The following FNDC3B variants were observed in gnomAD, a reference collection of about 807,000 sequenced individuals.
FNDC3B encodes the protein fibronectin type III domain containing 3B.
FNDC3B carries 12 observed loss-of-function variants against 151.5 expected under a neutral mutation model. The ratio of observed to expected loss-of-function variants is 0.08; its 90% confidence interval spans 0.05 to 0.13. The LOEUF (loss-of-function observed/expected upper bound fraction) is 0.13. FNDC3B is among the 10% of genes least tolerant of loss of function. The probability of loss-of-function intolerance (pLI) is 1.00; values close to 1 mark genes in which losing one functional copy is unlikely to be tolerated. For missense variants in FNDC3B, 1,214 were observed against 1,505.3 expected, an observed-to-expected ratio of 0.81 and a Z score of 3.20; for synonymous variants, 528 against 549.0, an observed-to-expected ratio of 0.96 and a Z score of 0.54.
chr3:172,255,947 G>C (rs1300585402), intron 6 of FNDC3B, among the ~76,000 whole-genome samples: 1 of 152,196 alleles, frequency 6.6e-6, no homozygotes, highest in African/African-American at 2.4e-5. Flanking sequence ...TTAAGAGACT[G>C]CCCAGAAGGG....
At chr3:172,147,481 C>T (rs1441745777) in intron 3 of FNDC3B, among the ~76,000 whole-genome samples, 2 of 152,040 alleles carry the variant, frequency 1.3e-5, no homozygotes, top group African/African-American at 2.4e-5. Context: ...TGGTGTAGGT[C>T]CCTAGGAATC....
At chr3:172,314,225 C>G (rs556376561) in intron 11 of FNDC3B, among the ~76,000 whole-genome samples, 1 of 152,052 alleles carries the variant, frequency 6.6e-6, no homozygotes, top group Non-Finnish European at 1.5e-5. Context: ...AGCCACAGCT[C>G]TCCCCTCCTC....
At chr3:172,309,048 T>G (rs1321880660) in intron 10 of FNDC3B, among the ~76,000 whole-genome samples, 1 of 152,212 alleles carries the variant, frequency 6.6e-6, no homozygotes, top group East Asian at 1.9e-4. Context: ...GAAAGAATTT[T>G]CTTATTAGGA....
intron 25 of FNDC3B, among the ~76,000 whole-genome samples, chr3:172,392,183 T>A (rs540244089): frequency 1.3e-5 from 2 of 152,186 alleles, no homozygotes; most frequent in Non-Finnish European, 2.9e-5. Context: ...GAGAAAGGAA[T>A]GGTCTCTCAG....
At chr3:172,300,082 C>T (rs1730829705) in intron 9 of FNDC3B, among the ~76,000 whole-genome samples, 5 of 152,202 alleles carry the variant, frequency 3.3e-5, no homozygotes, top group Admixed American at 3.3e-4. Context: ...CTGTTTAAAT[C>T]AAAACTTTGG....
At chr3:172,269,959 T>G (rs917923190) in intron 6 of FNDC3B, among the ~76,000 whole-genome samples, 3 of 152,220 alleles carry the variant, frequency 2.0e-5, no homozygotes, top group African/African-American at 7.2e-5. Flanking sequence ...AATCTGTGCT[T>G]TTTTATAGGA....
At chr3:172,201,345 CCTCTTTTCTTT>C (rs1193085273) in intron 3 of FNDC3B, among the ~76,000 whole-genome samples, 1 of 151,960 alleles carries the variant, frequency 6.6e-6, no homozygotes, top group Non-Finnish European at 1.5e-5. Flanking sequence ...GGTTTTTTTT[CCTCTTTTCTTT>C]CTCCCATAAC....
intron 1 of FNDC3B, among the ~76,000 whole-genome samples, chr3:172,094,468 T>TA (rs1465805892): frequency 2.6e-5 from 4 of 152,212 alleles, no homozygotes; most frequent in Admixed American, 2.6e-4. Context: ...ATCTATGCTG[T>TA]AGCATGTATC....
intron 3 of FNDC3B, among the ~76,000 whole-genome samples, chr3:172,190,329 T>C (rs1204942708): frequency 6.6e-6 from 1 of 152,154 alleles, no homozygotes; most frequent in Non-Finnish European, 1.5e-5. Context: ...AATTATATAG[T>C]TTGAAATATA....
chr3:172,251,963 T>C (rs1159118458), intron 6 of FNDC3B, among the ~76,000 whole-genome samples: 1 of 152,238 alleles, frequency 6.6e-6, no homozygotes, highest in African/African-American at 2.4e-5. Context: ...TAATGAAATC[T>C]ATCATTGAAT....
At chr3:172,049,747 A>G (rs62283776) in intron 1 of FNDC3B, among the ~76,000 whole-genome samples, 14,903 of 152,152 alleles carry the variant, frequency 0.098, 921 homozygotes, top group East Asian at 0.2. Context: ...GGCTGGTTTC[A>G]AACTCCTGAC....
At chr3:172,220,358 T>C (rs929627319) in intron 3 of FNDC3B, among the ~76,000 whole-genome samples, 3 of 152,238 alleles carry the variant, frequency 2.0e-5, no homozygotes, top group African/African-American at 4.8e-5. Context: ...TTTAGCCATT[T>C]TTAAGTAGGG....
chr3:172,171,808 A>G (rs1723299287), intron 3 of FNDC3B, among the ~76,000 whole-genome samples: 1 of 151,628 alleles, frequency 6.6e-6, no homozygotes, highest in Non-Finnish European at 1.5e-5. Context: ...AAAAAAATCC[A>G]ATAGTGGGGT....
intron 1 of FNDC3B, among the ~76,000 whole-genome samples, chr3:172,096,073 C>T (rs1386809983): frequency 6.6e-6 from 1 of 152,122 alleles, no homozygotes; most frequent in Non-Finnish European, 1.5e-5. Context: ...CAGTTTGGTT[C>T]TCTGTGAATT....
intron 3 of FNDC3B, among the ~76,000 whole-genome samples, chr3:172,178,173 C>T (rs932430072): frequency 2.6e-5 from 4 of 152,106 alleles, no homozygotes; most frequent in African/African-American, 9.7e-5. Context: ...AGCTCTCAGC[C>T]TCCATGCACT....
intron 1 of FNDC3B, among the ~76,000 whole-genome samples, chr3:172,042,831 G>GTTT (rs397696676): frequency 9.9e-5 from 14 of 141,436 alleles, no homozygotes; most frequent in East Asian, 2.1e-4. Flanking sequence ...AACAGTTTAA[G>GTTT]TTTTTTTTTT....
intron 3 of FNDC3B, among the ~76,000 whole-genome samples, chr3:172,175,802 C>T (rs1254829155): frequency 6.6e-6 from 1 of 152,098 alleles, no homozygotes; most frequent in Non-Finnish European, 1.5e-5. Flanking sequence ...CCCCAGAAGA[C>T]ATTGTTTTTC....
chr3:172,198,954 G>A (rs1724989104), intron 3 of FNDC3B, among the ~76,000 whole-genome samples: 1 of 151,802 alleles, frequency 6.6e-6, no homozygotes, highest in African/African-American at 2.4e-5. Context: ...AGCCTCCCGA[G>A]TAGCTGGAAC....
At chr3:172,103,725 C>T (rs961900992) in intron 1 of FNDC3B, among the ~76,000 whole-genome samples, 1 of 152,140 alleles carries the variant, frequency 6.6e-6, no homozygotes, top group Non-Finnish European at 1.5e-5. Context: ...ATGCTCCCGA[C>T]TAAATCTTTT....
Sources: allele counts gnomAD v4.1 joint callset (sites outside exome capture counted in the v4.1 genomes callset), GRCh38; gene constraint gnomAD v4.1.1; transcripts MANE v1.5; gene names NCBI Gene and HGNC (gene_info 2026-07-23, HGNC 2026-07-21).